The following VCL variants were observed in gnomAD, a reference collection of about 807,000 sequenced individuals.
The protein encoded by VCL is vinculin, also known as epididymis luminal protein 114.
In VCL, 47 loss-of-function variants were observed where a neutral mutation model predicts 125.7. The observed-to-expected ratio is 0.37, with a 90% confidence interval of 0.30 to 0.48. VCL has a LOEUF of 0.48. VCL is among the 20% of genes least tolerant of loss of function. The pLI is 0.99. For synonymous variants in VCL, 458 were observed against 514.6 expected (o/e 0.89, Z 1.49); for missense variants, 1,069 against 1,455.5 (o/e 0.73, Z 4.32).
rs945357991 is a variant in VCL at position 74,071,183 on chromosome 10, A to C, written c.499+100A>C. ...CCTACTTTTTGCAGAAGATAGGTGA[A>C]GATGCATTGGGCTTTCAGGTGTCTG... is the stretch of plus-strand genomic sequence containing the variant. On this transcript the variant is annotated intron_variant, in intron 4 of 21. Transcript: ENST00000211998. This position sits in a 1 kb window ranked among gnomAD's most constrained non-coding sequence, Gnocchi z 4.1. The C allele has an allele frequency of 2.7e-6, 3 of 1,090,926 alleles. No homozygotes were observed. Among genetic ancestry groups the C allele is most frequent in the Non-Finnish European group, 4.2e-6 (3 of 718,308 alleles). The allele number at this position is 1,090,926 out of a possible 1,614,324, so 67.6% of individuals were successfully genotyped here. A position where few individuals can be genotyped will look rare whatever the true frequency, so the allele number is the denominator to read the frequency against.
intron 2 of VCL, among the ~76,000 whole-genome samples, chr10:74,066,052 T>TAC (rs1274825543): frequency 7.1e-6 from 1 of 141,692 alleles, no homozygotes. Flanking sequence ...TTTTGGTATA[T>TAC]ATATATATAT....
In VCL at chr10:74,101,120, T is replaced by C. The variant is rs541131310; in HGVS notation, c.2022+23T>C. 54 of 1,610,622 alleles carry C rather than the reference T, an allele frequency of 3.4e-5. No homozygotes were observed. In the Admixed American group the frequency reaches 7.1e-4, roughly 21 times the overall value. ...CAGGTTGGGTTTTGCTCATTCCTCATACAGTGTTCAGTAAAGAAAGTTAAT... is the reference window on the plus strand; with the variant it reads ...CAGGTTGGGTTTTGCTCATTCCTCACACAGTGTTCAGTAAAGAAAGTTAAT... On this transcript the variant is annotated intron_variant, in intron 14 of 21. Transcript: ENST00000211998.
intron 13 of VCL, among the ~76,000 whole-genome samples, chr10:74,099,065 C>T (rs962240038): frequency 6.6e-6 from 1 of 152,192 alleles, no homozygotes; most frequent in Non-Finnish European, 1.5e-5. Context: ...GTCCCCTAGT[C>T]CCCCTAGAGC....
chr10:74,047,282 G>A (rs11000860), intron 2 of VCL, among the ~76,000 whole-genome samples: 52,612 of 152,108 alleles, frequency 0.35, 10,738 homozygotes, highest in Non-Finnish European at 0.47. Flanking sequence ...GGGTGACAGA[G>A]TGAGACCCTG....
At chr10:74,039,214 C>T (rs572844290) in intron 1 of VCL, among the ~76,000 whole-genome samples, 2 of 152,172 alleles carry the variant, frequency 1.3e-5, no homozygotes, top group African/African-American at 2.4e-5. Context: ...CGCCCGGCCA[C>T]GTGGTTTTTA....
chr10:74,041,753 A>T (rs535343377), intron 1 of VCL, among the ~76,000 whole-genome samples: 14 of 144,260 alleles, frequency 9.7e-5, no homozygotes, highest in African/African-American at 3.2e-4. Context: ...AAAAAAAAAG[A>T]TTAGCTGGGT....
intron 1 of VCL, among the ~76,000 whole-genome samples, chr10:74,022,431 A>G (rs969171250): frequency 6.6e-6 from 1 of 151,818 alleles, no homozygotes; most frequent in Non-Finnish European, 1.5e-5. Context: ...CTGTAGTTAC[A>G]GCTACTCCGG....
chr10:74,057,757 C>A (rs1489374058), intron 2 of VCL, among the ~76,000 whole-genome samples: 1 of 152,000 alleles, frequency 6.6e-6, no homozygotes, highest in Non-Finnish European at 1.5e-5. Flanking sequence ...CATGGCAAAA[C>A]CCCATCTCTA....
At chr10:74,038,901 ATT>A (rs879367001) in intron 1 of VCL, among the ~76,000 whole-genome samples, 6 of 147,812 alleles carry the variant, frequency 4.1e-5, no homozygotes, top group Admixed American at 6.8e-5. Context: ...TTTAGAAGTG[ATT>A]TTTTTTTTTA....
chr10:74,113,329 A>T (rs551899181), intron 19 of VCL, among the ~76,000 whole-genome samples: 1 of 152,204 alleles, frequency 6.6e-6, no homozygotes, highest in African/African-American at 2.4e-5. Flanking sequence ...GTCTAAGATA[A>T]ACTGCCATTC....
chr10:74,109,451 T>C (rs1190916047), intron 18 of VCL, among the ~76,000 whole-genome samples: 1 of 152,202 alleles, frequency 6.6e-6, no homozygotes, highest in African/African-American at 2.4e-5. Context: ...GCATTTGGGG[T>C]CTTTTAGAAA....
At chr10:74,054,813 C>T (rs780399300) in intron 2 of VCL, among the ~76,000 whole-genome samples, 9 of 151,790 alleles carry the variant, frequency 5.9e-5, no homozygotes, top group Admixed American at 2.6e-4. Flanking sequence ...CCCAGCTACT[C>T]GGGTGACTGA....
At chr10:74,105,699 G>C (rs1840121076) in intron 16 of VCL, among the ~76,000 whole-genome samples, 1 of 152,134 alleles carries the variant, frequency 6.6e-6, no homozygotes, top group Admixed American at 6.5e-5. Flanking sequence ...TGGGATTACA[G>C]GTGTGTGCCA....
intron 8 of VCL, among the ~76,000 whole-genome samples, chr10:74,084,383 C>T (rs1206439923): frequency 6.6e-6 from 1 of 152,006 alleles, no homozygotes; most frequent in Non-Finnish European, 1.5e-5. Context: ...CCCCTGCCTC[C>T]CAGGCTCAAG....
At chr10:73,999,281 A>G (rs1394997429) in intron 1 of VCL, among the ~76,000 whole-genome samples, 1 of 152,130 alleles carries the variant, frequency 6.6e-6, no homozygotes. Context: ...TGCCGGAGAG[A>G]AGGCTGGGGC....
At chr10:74,028,890 T>C (rs1168957020) in intron 1 of VCL, among the ~76,000 whole-genome samples, 2 of 152,298 alleles carry the variant, frequency 1.3e-5, no homozygotes, top group East Asian at 1.9e-4. Context: ...ATGGAAACTT[T>C]AGGCTGGGCA....
chr10:74,074,994 A>AT, intron 6 of VCL, 91 bp downstream of exon 6: 1 of 1,531,714 alleles, frequency 6.5e-7, no homozygotes. Context: ...TTATCTTGTA[A>AT]TTTTTGTAGC....
chr10:74,095,946 A>G, intron 12 of VCL, 91 bp downstream of exon 12: 1 of 1,446,726 alleles, frequency 6.9e-7, no homozygotes, highest in East Asian at 2.4e-5. Context: ...AAAATACATA[A>G]TTTCTGGGGT....
intron 1 of VCL, among the ~76,000 whole-genome samples, chr10:74,017,549 C>T (rs1242827629): frequency 2.1e-5 from 3 of 141,916 alleles, no homozygotes; most frequent in Non-Finnish European, 3.1e-5. Context: ...CTTTTTCTTT[C>T]TTTCTTTCTT....
Sources: gnomAD v4.1 joint callset for allele counts (sites outside exome capture counted in the v4.1 genomes callset) on GRCh38, gnomAD v4.1.1 for gene constraint, Gnocchi (gnomAD v3.1) non-coding constraint, MANE v1.5 for transcripts, NCBI Gene and HGNC (gene_info 2026-07-23, HGNC 2026-07-21) for gene names.